DLG2: variants seen among roughly 807,000 people sequenced by gnomAD.
The protein encoded by DLG2 is disks large homolog 2.
A neutral mutation model predicts 132.5 loss-of-function variants in DLG2; 45 were observed. The observed-to-expected ratio is 0.34, with a 90% confidence interval of 0.27 to 0.44. DLG2 has a LOEUF of 0.44. Ranked by LOEUF, DLG2 falls within the 20% of genes least tolerant of loss-of-function variation. The pLI is 1.00. For synonymous variants in DLG2, 424 were observed against 419.6 expected, an observed-to-expected ratio of 1.01 and a Z score of -0.13; for missense variants, 1,045 against 1,196.9, an observed-to-expected ratio of 0.87 and a Z score of 1.87.
intron 7 of DLG2, among the ~76,000 whole-genome samples, chr11:84,524,686 C>T (rs973457452): frequency 1.3e-5 from 2 of 152,144 alleles, no homozygotes. Flanking sequence ...AAGGATTTTA[C>T]ACTTTTAAAG....
intron 6 of DLG2, among the ~76,000 whole-genome samples, chr11:85,002,825 G>A (rs553917875): frequency 5.3e-5 from 8 of 151,852 alleles, no homozygotes; most frequent in African/African-American, 1.2e-4. Context: ...TAGCAAGACC[G>A]ACCTTCCTTT....
Position 84,534,619 on chromosome 11 carries a change from A to G in DLG2, c.470T>C (p.Ile157Thr). The change falls in exon 7 of 28, where the codon ATA (isoleucine) becomes ACA (threonine). Residue 157 changes from isoleucine to threonine, a missense_variant. Ile to Thr is a moderately conservative substitution (Grantham distance 89). Transcript: ENST00000376104. ...VHVSEKNLSQIENVHGYVLQS... is the reference protein window; with the variant it reads ...VHVSEKNLSQTENVHGYVLQS... ...CAAGACATATCCATGGACATTTTCTATTTGAGAGAGGTTCTTTTCTGATAC... is the reference window on the plus strand; with the variant it reads ...CAAGACATATCCATGGACATTTTCTGTTTGAGAGAGGTTCTTTTCTGATAC... 2 of 1,614,046 alleles carry G rather than the reference A, an allele frequency of 1.2e-6. No individual in the cohort carries two copies. The highest frequency in any genetic ancestry group is 1.1e-5 in the South Asian group (1 of 91,082).
intron 11 of DLG2, among the ~76,000 whole-genome samples, chr11:83,991,526 T>A (rs2093707408): frequency 6.6e-6 from 1 of 152,074 alleles, no homozygotes; most frequent in Non-Finnish European, 1.5e-5. Context: ...TTTACTTTTT[T>A]CTTTTTTCTT....
intron 3 of DLG2, among the ~76,000 whole-genome samples, chr11:85,548,586 C>T (rs1294339223): frequency 1.3e-5 from 2 of 152,136 alleles, no homozygotes; most frequent in Admixed American, 1.3e-4. Flanking sequence ...AAGCTGTGTC[C>T]CCAACCGCCC....
At chr11:84,092,292 G>A (rs1401805049) in intron 10 of DLG2, among the ~76,000 whole-genome samples, 4 of 152,208 alleles carry the variant, frequency 2.6e-5, no homozygotes, top group South Asian at 2.1e-4. Flanking sequence ...TCAGCATTCT[G>A]CTAAATAGCT....
intron 11 of DLG2, among the ~76,000 whole-genome samples, chr11:84,022,496 C>A (rs1047995676): frequency 6.6e-6 from 1 of 152,258 alleles, no homozygotes; most frequent in African/African-American, 2.4e-5. Flanking sequence ...TCTATAGAAA[C>A]AAAAGCCTCA....
intron 6 of DLG2, among the ~76,000 whole-genome samples, chr11:84,910,005 T>TTTA: frequency 6.6e-6 from 1 of 152,206 alleles, no homozygotes; most frequent in East Asian, 1.9e-4. Flanking sequence ...GAGGTGAGAA[T>TTTA]CACCTAGTGC....
intron 19 of DLG2, among the ~76,000 whole-genome samples, chr11:83,578,978 C>T (rs1477684995): frequency 6.6e-6 from 1 of 152,164 alleles, no homozygotes; most frequent in African/African-American, 2.4e-5. Context: ...TATTTGCTTC[C>T]CCACTGTGTT....
chr11:84,457,530 C>T (rs1182518533), intron 7 of DLG2, among the ~76,000 whole-genome samples: 1 of 151,000 alleles, frequency 6.6e-6, no homozygotes. Context: ...AATGCTATTG[C>T]CTGTTACTCC....
chr11:84,712,603 A>T (rs2060572196), intron 6 of DLG2, among the ~76,000 whole-genome samples: 1 of 152,162 alleles, frequency 6.6e-6, no homozygotes, highest in African/African-American at 2.4e-5. Context: ...ATTTAATACT[A>T]CCCAGTTGAC....
At chr11:85,508,462 T>C (rs1468612275) in intron 3 of DLG2, among the ~76,000 whole-genome samples, 2 of 152,064 alleles carry the variant, frequency 1.3e-5, no homozygotes, top group African/African-American at 4.8e-5. Flanking sequence ...CTTTCCTTTC[T>C]ACCTTAGGTA....
At chr11:83,465,753 CTA>C (rs1215416913) in intron 26 of DLG2, among the ~76,000 whole-genome samples, 1 of 152,122 alleles carries the variant, frequency 6.6e-6, no homozygotes, top group Non-Finnish European at 1.5e-5. Context: ...TATACTAGCT[CTA>C]TGAGGTATTT....
intron 6 of DLG2, among the ~76,000 whole-genome samples, chr11:84,937,860 C>T (rs1339916985): frequency 6.6e-6 from 1 of 152,096 alleles, no homozygotes; most frequent in Non-Finnish European, 1.5e-5. Flanking sequence ...AAAAGTACAG[C>T]ATATGATGGC....
intron 18 of DLG2, among the ~76,000 whole-genome samples, chr11:83,637,482 C>T (rs536238374): frequency 6.6e-6 from 1 of 152,234 alleles, no homozygotes; most frequent in East Asian, 1.9e-4. Flanking sequence ...TATTATTTTA[C>T]AGATGAGGAA....
Position 83,747,386 on chromosome 11 carries a change from T to C in DLG2, c.1825+39304A>G, listed in dbSNP as rs553433118. ...TTCCTGTCTCTCTCTCTCTCTCTCT[T>C]TTTTGACAGGGTCTGGCTCTGTCAC... is the stretch of plus-strand genomic sequence containing the variant. On this transcript the variant is annotated intron_variant, in intron 18 of 27. Transcript: ENST00000376104. Among the ~76,000 whole-genome samples, 23 of 145,842 alleles carry C rather than the reference T, an allele frequency of 1.6e-4. No individual in the cohort carries two copies. The East Asian group carries it at 2.4e-3, about 15-fold the overall frequency.
intron 18 of DLG2, among the ~76,000 whole-genome samples, chr11:83,718,117 A>G (rs1009475476): frequency 6.6e-6 from 1 of 152,212 alleles, no homozygotes; most frequent in Non-Finnish European, 1.5e-5. Flanking sequence ...TAAACAGTAA[A>G]TTAAAATGCA....
chr11:85,257,734 A>G (rs2076740979), intron 4 of DLG2, among the ~76,000 whole-genome samples: 1 of 152,224 alleles, frequency 6.6e-6, no homozygotes. Flanking sequence ...AATACAATGA[A>G]TCTTTCAAAG....
intron 6 of DLG2, among the ~76,000 whole-genome samples, chr11:84,812,994 G>A (rs778301686): frequency 6.6e-6 from 1 of 152,050 alleles, no homozygotes; most frequent in African/African-American, 2.4e-5. Flanking sequence ...GGTCTTTTGA[G>A]AGCGGTTATC....
chr11:83,687,145 T>C (rs1447967084), intron 18 of DLG2, among the ~76,000 whole-genome samples: 1 of 152,170 alleles, frequency 6.6e-6, no homozygotes, highest in Non-Finnish European at 1.5e-5. Flanking sequence ...GCAGGAAGAA[T>C]GGCCAAAATA....
Sources: gnomAD v4.1 joint callset for allele counts (sites outside exome capture counted in the v4.1 genomes callset) on GRCh38, gnomAD v4.1.1 for gene constraint, MANE v1.5 for transcripts, NCBI Gene and HGNC (gene_info 2026-07-23, HGNC 2026-07-21) for gene names.